Variants in HOMER2 observed in about 807,000 individuals in gnomAD.
HOMER2 encodes the protein homer scaffold protein 2.
A neutral mutation model predicts 47.0 loss-of-function variants in HOMER2; 27 were observed. The ratio of observed to expected loss-of-function variants is 0.57; its 90% CI spans 0.42 to 0.79. HOMER2 has a LOEUF of 0.79. Among genes scored for constraint, HOMER2 ranks in the 30% least tolerant of loss-of-function variants. The probability of loss-of-function intolerance (pLI) is 0.00; values close to 1 mark genes in which losing one functional copy is unlikely to be tolerated. For missense variants in HOMER2, 443 were observed against 435.0 expected, an observed-to-expected ratio of 1.02 and a Z score of -0.16; for synonymous variants, 161 against 163.8, an observed-to-expected ratio of 0.98 and a Z score of 0.13.
At chr15:82,925,597 C>T (rs1184659907) in intron 1 of HOMER2, among the ~76,000 whole-genome samples, 1 of 152,144 alleles carries the variant, frequency 6.6e-6, no homozygotes, top group African/African-American at 2.4e-5. Context: ...GAGAAATTTC[C>T]CTTTGGCTGT....
intron 1 of HOMER2, among the ~76,000 whole-genome samples, chr15:82,968,280 G>A (rs778075059): frequency 1.2e-4 from 18 of 152,058 alleles, no homozygotes; most frequent in Admixed American, 2.6e-4. Context: ...ATATTTTATC[G>A]CCCCACAAGG....
chr15:82,964,611 T>A (rs2054657358), intron 1 of HOMER2, among the ~76,000 whole-genome samples: 1 of 151,988 alleles, frequency 6.6e-6, no homozygotes, highest in Admixed American at 6.6e-5. Flanking sequence ...ACTAAAAATA[T>A]GAAAATTAAC....
intron 8 of HOMER2, among the ~76,000 whole-genome samples, chr15:82,850,649 C>T (rs2051362033): frequency 6.6e-6 from 1 of 152,214 alleles, no homozygotes; most frequent in African/African-American, 2.4e-5. Context: ...ATTCCAGGGT[C>T]ATGTAACTAC....
At chr15:82,967,001 T>A (rs1024249887) in intron 1 of HOMER2, among the ~76,000 whole-genome samples, 5 of 152,324 alleles carry the variant, frequency 3.3e-5, no homozygotes, top group African/African-American at 9.6e-5. Context: ...CTCACACCTG[T>A]AATCCCAGTA....
chr15:82,901,269 AG>A (rs1181835858), intron 1 of HOMER2, among the ~76,000 whole-genome samples: 1 of 152,162 alleles, frequency 6.6e-6, no homozygotes, highest in African/African-American at 2.4e-5. Context: ...GTTGTGGAGA[AG>A]CAAAGCTGAG....
intron 1 of HOMER2, among the ~76,000 whole-genome samples, chr15:82,982,471 C>T (rs1296098089): frequency 6.6e-6 from 1 of 152,172 alleles, no homozygotes; most frequent in African/African-American, 2.4e-5. Flanking sequence ...GAGTTCTTCA[C>T]AGAAACTCTC....
At chr15:82,919,947 T>C (rs1057079806) in intron 1 of HOMER2, among the ~76,000 whole-genome samples, 50 of 152,362 alleles carry the variant, frequency 3.3e-4, no homozygotes, top group African/African-American at 1.2e-3. Context: ...TTGCCTTCTC[T>C]ATCGAGGAAA....
downstream of HOMER2, among the ~76,000 whole-genome samples, chr15:82,848,392 G>C (rs2051285428): frequency 6.6e-6 from 1 of 152,154 alleles, no homozygotes; most frequent in African/African-American, 2.4e-5. Context: ...AGATGTGTGG[G>C]GCCAGGGATT....
At chr15:82,865,642 C>T (rs1567021624) in intron 3 of HOMER2, among the ~76,000 whole-genome samples, 1 of 152,196 alleles carries the variant, frequency 6.6e-6, no homozygotes, top group South Asian at 2.1e-4. Flanking sequence ...TATGGTTTGG[C>T]TGTGTCCCCG....
At chr15:82,915,442 C>CAG (rs2053561642) in intron 1 of HOMER2, among the ~76,000 whole-genome samples, 1 of 152,092 alleles carries the variant, frequency 6.6e-6, no homozygotes, top group Non-Finnish European at 1.5e-5. Context: ...GGTACAGTGG[C>CAG]TCATGCCTGT....
At chr15:82,854,822 T>C in intron 5 of HOMER2, 22 bp from the exon 6 acceptor site, 1 of 1,599,462 alleles carries the variant, frequency 6.3e-7, no homozygotes, top group Non-Finnish European at 8.5e-7. Flanking sequence ...GGACGGGCGG[T>C]GACGACGGGG....
Position 82,875,311 on chromosome 15 carries a change from A to T in HOMER2, c.256T>A (p.Phe86Ile). ...QWADSRANTVFGLGFSSEQQL... is the reference protein window; with the variant it reads ...QWADSRANTVIGLGFSSEQQL... ...TGCTCAGAGGAAAACCCCAAACCAA[A>T]CACTGTGTTGGCTCTGCTGTCGGCC... The change falls in exon 3 of 9, where the codon TTT becomes ATT. Residue 86 changes from phenylalanine to isoleucine, a missense_variant. By Grantham distance (21) the Phe-to-Ile change is conservative. Transcript: ENST00000450735. The T allele has an allele frequency of 6.2e-7, 1 of 1,613,742 alleles. No individual in the cohort carries two copies. The highest frequency in any genetic ancestry group is 1.3e-5 in the African/African-American group (1 of 74,956).
chr15:82,905,675 A>C (rs1193850383), intron 1 of HOMER2, among the ~76,000 whole-genome samples: 1 of 152,228 alleles, frequency 6.6e-6, no homozygotes. Flanking sequence ...ATATACTGTT[A>C]AGAGAAAAAA....
chr15:82,878,402 A>G (rs542070199), intron 2 of HOMER2, among the ~76,000 whole-genome samples: 1 of 152,330 alleles, frequency 6.6e-6, no homozygotes, highest in African/African-American at 2.4e-5. Flanking sequence ...CAAGGTCATA[A>G]AACTAATAAG....
chr15:82,855,325 CAAAAAAA>C (rs1162254209), intron 5 of HOMER2, among the ~76,000 whole-genome samples: 37 of 61,516 alleles, frequency 6.0e-4, no homozygotes, highest in East Asian at 2.9e-3. Context: ...ACTCCATCTC[CAAAAAAA>C]AAAAAAAAAA....
At chr15:82,945,906 G>T (rs1214507444) in intron 1 of HOMER2, among the ~76,000 whole-genome samples, 1 of 151,934 alleles carries the variant, frequency 6.6e-6, no homozygotes, top group Non-Finnish European at 1.5e-5. Context: ...AGAGGCGGAG[G>T]TTGCAGTGAG....
chr15:82,954,344 T>G (rs1229917139), upstream of HOMER2, among the ~76,000 whole-genome samples: 1 of 151,842 alleles, frequency 6.6e-6, no homozygotes, highest in Non-Finnish European at 1.5e-5. Flanking sequence ...CAGGCTAGAG[T>G]GCAGTGGCAG....
chr15:82,859,648 C>A (rs763651995), intron 4 of HOMER2, among the ~76,000 whole-genome samples: 4 of 152,186 alleles, frequency 2.6e-5, no homozygotes, highest in Non-Finnish European at 5.9e-5. Context: ...ATTAAAGAGA[C>A]AAGAACCAGG....
At chr15:82,850,362 C>G (rs1456991561) in intron 8 of HOMER2, among the ~76,000 whole-genome samples, 1 of 152,228 alleles carries the variant, frequency 6.6e-6, no homozygotes, top group East Asian at 1.9e-4. Context: ...AGGCCAGCCT[C>G]TGGCCCTCAG....
Sources: allele counts gnomAD v4.1 joint callset (sites outside exome capture counted in the v4.1 genomes callset), GRCh38; gene constraint gnomAD v4.1.1; transcripts MANE v1.5; gene names NCBI Gene and HGNC (gene_info 2026-07-23, HGNC 2026-07-21).